The following CAMTA1 variants were observed in gnomAD, a reference collection of about 807,000 sequenced individuals.
The protein encoded by CAMTA1 is calmodulin-binding transcription activator 1.
In CAMTA1, 27 loss-of-function variants were observed where a neutral mutation model predicts 170.9. The observed-to-expected ratio is 0.16, with a 90% CI of 0.12 to 0.22. The LOEUF (loss-of-function observed/expected upper bound fraction) is 0.22, where lower values mean the gene tolerates loss of function less well. Among genes scored for constraint, CAMTA1 ranks in the 10% least tolerant of loss-of-function variants. CAMTA1 has a pLI of 1.00. For missense variants in CAMTA1, 1,619 were observed against 2,217.2 expected (o/e 0.73, Z 5.42); for synonymous variants, 833 against 891.5 (o/e 0.93, Z 1.17).
At chr1:6,960,130 T>C (rs922747926) in intron 3 of CAMTA1, among the ~76,000 whole-genome samples, 2 of 152,222 alleles carry the variant, frequency 1.3e-5, no homozygotes, top group Non-Finnish European at 2.9e-5. Flanking sequence ...GTTTAATTTT[T>C]CTTGAAATCT....
intron 6 of CAMTA1, among the ~76,000 whole-genome samples, chr1:7,526,991 GAGA>G (rs2094439266): frequency 6.6e-6 from 1 of 152,168 alleles, no homozygotes; most frequent in Non-Finnish European, 1.5e-5. Flanking sequence ...TTTGACTGCT[GAGA>G]AGGTCTCTCC....
chr1:6,860,544 T>G (rs1664275981), intron 3 of CAMTA1, among the ~76,000 whole-genome samples: 1 of 152,214 alleles, frequency 6.6e-6, no homozygotes, highest in Non-Finnish European at 1.5e-5. Context: ...TTTTCTTTCC[T>G]TATACACTGA....
chr1:7,076,785 T>G (rs897410226), intron 3 of CAMTA1, among the ~76,000 whole-genome samples: 1 of 152,194 alleles, frequency 6.6e-6, no homozygotes. Flanking sequence ...AGGAGGGCTG[T>G]GTTCATGCAT....
intron 3 of CAMTA1, among the ~76,000 whole-genome samples, chr1:6,841,206 T>C (rs898595118): frequency 6.6e-6 from 1 of 152,244 alleles, no homozygotes; most frequent in South Asian, 2.1e-4. Flanking sequence ...AGGACCCTTT[T>C]AATTACGCCG....
At chr1:7,183,622 C>A (rs1652665948) in intron 4 of CAMTA1, among the ~76,000 whole-genome samples, 1 of 152,172 alleles carries the variant, frequency 6.6e-6, no homozygotes. Flanking sequence ...GTACATGGCA[C>A]AGTGGATACT....
chr1:7,078,491 G>A (rs543997323), intron 3 of CAMTA1, among the ~76,000 whole-genome samples: 1 of 152,304 alleles, frequency 6.6e-6, no homozygotes, highest in Admixed American at 6.5e-5. Flanking sequence ...ACGATAGCCT[G>A]TCTCTGAGAC....
Position 7,493,127 on chromosome 1 carries a change from CAG to C in CAMTA1, c.510+25228_510+25229del, listed in dbSNP as rs2093754198. Among the ~76,000 whole-genome samples the C allele has an allele frequency of 2.2e-5, 3 of 133,860 alleles. No homozygotes were observed. The South Asian group carries it at 7.2e-4, about 32-fold the overall frequency. 87.8% of individuals were successfully genotyped at this position (133,860 alleles called of 152,430 possible). ...ACCTACATACACACACGCGCACACA[CAG>C]ACATACAAACGTGAGCACACAACAC... On this transcript the variant is annotated intron_variant, in intron 6 of 22. Transcript: ENST00000303635.
At chr1:6,960,072 G>C (rs1690109974) in intron 3 of CAMTA1, among the ~76,000 whole-genome samples, 1 of 152,230 alleles carries the variant, frequency 6.6e-6, no homozygotes, top group Admixed American at 6.5e-5. Context: ...TCACCAGGTA[G>C]TTGGTGGCAG....
chr1:7,697,073 C>T (rs2096384131), intron 11 of CAMTA1, among the ~76,000 whole-genome samples: 2 of 152,148 alleles, frequency 1.3e-5, no homozygotes, highest in African/African-American at 4.8e-5. Context: ...CTCAATCTGC[C>T]TAGGGCATCC....
At chr1:6,905,671 C>T (rs1678291524) in intron 3 of CAMTA1, among the ~76,000 whole-genome samples, 1 of 152,230 alleles carries the variant, frequency 6.6e-6, no homozygotes, top group Non-Finnish European at 1.5e-5. Flanking sequence ...TCTCCCTCTT[C>T]TCTGTATTGT....
chr1:6,803,130 C>A (rs1242767484), intron 1 of CAMTA1, among the ~76,000 whole-genome samples: 1 of 152,170 alleles, frequency 6.6e-6, no homozygotes, highest in Non-Finnish European at 1.5e-5. Flanking sequence ...TGTGGGTGTT[C>A]TCAGGTGGAA....
chr1:7,480,373 GTGCC>G lies in CAMTA1; in HGVS notation c.510+12476_510+12479del, dbSNP rs560500476. Among the ~76,000 whole-genome samples, 991 of 151,948 alleles carry G rather than the reference GTGCC, an allele frequency of 6.5e-3. 12 individuals are homozygous for G. Among genetic ancestry groups the G allele is most frequent in the African/African-American group, 0.023 (955 of 41,382 alleles). ...TGTGTGTGTTTGTGCATGTGTGTGAGTGCCTGCATGTGCGTATATGAGAGTGTGT... is the reference window on the plus strand; with the variant it reads ...TGTGTGTGTTTGTGCATGTGTGTGAGTGCATGTGCGTATATGAGAGTGTGT... On this transcript the variant is annotated intron_variant, in intron 6 of 22. Coordinates refer to ENST00000303635, the MANE Select transcript of CAMTA1 (RefSeq NM_015215.4).
At chr1:7,731,001 A>G (rs1170942673) in intron 11 of CAMTA1, among the ~76,000 whole-genome samples, 1 of 151,972 alleles carries the variant, frequency 6.6e-6, no homozygotes, top group African/African-American at 2.4e-5. Flanking sequence ...ACATATATGA[A>G]GCGAGCGTGG....
intron 6 of CAMTA1, among the ~76,000 whole-genome samples, chr1:7,560,561 A>G (rs1044019518): frequency 6.6e-6 from 1 of 152,244 alleles, no homozygotes; most frequent in Non-Finnish European, 1.5e-5. Flanking sequence ...AGTAAGGCCT[A>G]TGCATCCAAA....
rs200111518 is a variant in CAMTA1 at position 7,177,629 on chromosome 1, CTG to C, written c.303-71861_303-71860del. 8.9e-3 allele frequency among the ~76,000 whole-genome samples: 1,347 copies of C among 151,766 alleles called. 14 individuals carry two copies. Among genetic ancestry groups the C allele is most frequent in the Admixed American group, 0.015 (230 of 15,264 alleles). On this transcript the variant is annotated intron_variant, in intron 4 of 22. Transcript: ENST00000303635. ...CATACACTGAGACTCCTCCCACACACTGAAGCCCCTCCCACACATTGAGGCCT... is the reference window on the plus strand; with the variant it reads ...CATACACTGAGACTCCTCCCACACACAAGCCCCTCCCACACATTGAGGCCT...
In CAMTA1 at chr1:7,014,996, AT is replaced by A. The variant is rs918510575; in HGVS notation, c.235-76307del. ...TGTCCTCCAACTCTGAGAGCCTCTG[AT>A]CCTATTATTCCAAGTCAAGAAATTT... On this transcript the variant is annotated intron_variant, in intron 3 of 22. Transcript: ENST00000303635. The surrounding 1 kb of genome is among the most constrained non-coding windows in gnomAD (Gnocchi z 4.2). 5.9e-5 allele frequency among the ~76,000 whole-genome samples: 9 copies of A among 152,168 alleles called. No individual in the cohort carries two copies. The highest frequency in any genetic ancestry group is 3.9e-4 in the Admixed American group (6 of 15,282).
rs142640431 is a variant in CAMTA1 at position 7,104,872 on chromosome 1, T to C, written c.302+13501T>C. ...GCATGGGGGGAATTATTCTTAGATATAATTGCCAAACTTTGAATTCTTTTT... is the reference window on the plus strand; with the variant it reads ...GCATGGGGGGAATTATTCTTAGATACAATTGCCAAACTTTGAATTCTTTTT... On this transcript the variant is annotated intron_variant, in intron 4 of 22. Transcript: ENST00000303635. Among the ~76,000 whole-genome samples, 121 of 152,298 alleles carry C rather than the reference T, an allele frequency of 7.9e-4. 1 individual carries two copies. Among genetic ancestry groups the C allele is most frequent in the African/African-American group, 2.8e-3 (118 of 41,550 alleles).
chr1:7,676,830 C>T (rs2096125728), intron 10 of CAMTA1, among the ~76,000 whole-genome samples: 1 of 152,264 alleles, frequency 6.6e-6, no homozygotes, highest in Non-Finnish European at 1.5e-5. Context: ...GCAACCTCAA[C>T]CCAAGAGCTG....
At chr1:7,718,703 A>G (rs2096629672) in intron 11 of CAMTA1, among the ~76,000 whole-genome samples, 1 of 151,790 alleles carries the variant, frequency 6.6e-6, no homozygotes, top group African/African-American at 2.4e-5. Context: ...GAATACGGGC[A>G]CATGCTACCA....
Sources: allele counts gnomAD v4.1 joint callset (sites outside exome capture counted in the v4.1 genomes callset), GRCh38; gene constraint gnomAD v4.1.1; non-coding constraint Gnocchi (gnomAD v3.1); transcripts MANE v1.5; gene names NCBI Gene and HGNC (gene_info 2026-07-23, HGNC 2026-07-21).